Variants in ATP9A observed in about 807,000 individuals in gnomAD.
ATP9A encodes ATPase phospholipid transporting 9A.
In ATP9A, 52 loss-of-function variants were observed where a neutral mutation model predicts 144.1. The ratio of observed to expected loss-of-function variants is 0.36; its 90% CI spans 0.29 to 0.45. The LOEUF (loss-of-function observed/expected upper bound fraction) is 0.45. Among genes scored for constraint, ATP9A ranks in the 20% least tolerant of loss-of-function variants. The pLI is 1.00. For missense variants in ATP9A, 947 were observed against 1,392.7 expected (o/e 0.68, Z 5.09); for synonymous variants, 582 against 557.4 (o/e 1.04, Z -0.62).
chr20:51,651,772 T>C (rs540186139), intron 14 of ATP9A, among the ~76,000 whole-genome samples: 39 of 151,936 alleles, frequency 2.6e-4, no homozygotes, highest in Admixed American at 2.1e-3. Context: ...CTACTAAAAA[T>C]ATAAAAATTA....
At chr20:51,635,357 G>A (rs945672089) in intron 15 of ATP9A, among the ~76,000 whole-genome samples, 1 of 152,154 alleles carries the variant, frequency 6.6e-6, no homozygotes, top group East Asian at 1.9e-4. Flanking sequence ...TTGAGCCCAG[G>A]CTGTGAGAGA....
intron 17 of ATP9A, among the ~76,000 whole-genome samples, chr20:51,626,008 C>A (rs1268404538): frequency 6.6e-6 from 1 of 152,252 alleles, no homozygotes; most frequent in African/African-American, 2.4e-5. Context: ...TGGAGCAGGG[C>A]AGGGCCCCAC....
chr20:51,643,917 C>T (rs1454788313), intron 14 of ATP9A, among the ~76,000 whole-genome samples: 2 of 152,104 alleles, frequency 1.3e-5, no homozygotes, highest in Non-Finnish European at 2.9e-5. Flanking sequence ...AGGAGGATCA[C>T]CTGAGGTCAG....
chr20:51,700,416 G>A (rs552079713), intron 4 of ATP9A, among the ~76,000 whole-genome samples: 75 of 152,292 alleles, frequency 4.9e-4, no homozygotes, highest in Non-Finnish European at 6.3e-4. Context: ...CAGCTACTCC[G>A]GAGACTGAGG....
At chr20:51,725,683 C>T in intron 3 of ATP9A, 136 bp downstream of exon 3, 2 of 622,586 alleles carry the variant, frequency 3.2e-6, no homozygotes. Flanking sequence ...CTCAGAGACT[C>T]CCAATGTATT....
intron 16 of ATP9A, 137 bp from the exon 17 acceptor site, chr20:51,627,820 C>T (rs918287643): frequency 4.1e-5 from 30 of 729,382 alleles, no homozygotes; most frequent in Admixed American, 1.1e-4. Context: ...CTTTCCCCTA[C>T]GGCAATCCTC....
chr20:51,645,904 C>T (rs2077340471), intron 14 of ATP9A, among the ~76,000 whole-genome samples: 1 of 152,240 alleles, frequency 6.6e-6, no homozygotes, highest in South Asian at 2.1e-4. Flanking sequence ...ATTTCAGGGG[C>T]TTGCATCTCA....
intron 22 of ATP9A, 115 bp downstream of exon 22, chr20:51,617,375 T>G (rs1258943703): frequency 1.7e-5 from 19 of 1,105,340 alleles, no homozygotes; most frequent in Non-Finnish European, 2.1e-5. Context: ...ACATGATTCC[T>G]TATGTTTTAT....
intron 1 of ATP9A, among the ~76,000 whole-genome samples, chr20:51,748,055 G>A (rs1289417671): frequency 6.6e-6 from 1 of 152,174 alleles, no homozygotes; most frequent in East Asian, 1.9e-4. Context: ...AAGGAGAGGA[G>A]GAAGCAGTTC....
At chr20:51,660,084 T>C (rs1408038319) in intron 13 of ATP9A, among the ~76,000 whole-genome samples, 2 of 152,190 alleles carry the variant, frequency 1.3e-5, no homozygotes, top group African/African-American at 4.8e-5. Flanking sequence ...AACCCTTTTT[T>C]TAAAAAATTC....
intron 15 of ATP9A, among the ~76,000 whole-genome samples, chr20:51,632,114 G>GCACAAT (rs2077272347): frequency 6.6e-6 from 1 of 151,854 alleles, no homozygotes; most frequent in Non-Finnish European, 1.5e-5. Context: ...GTGTTGCCCA[G>GCACAAT]GCTAGAGCGC....
chr20:51,655,254 A>C (rs1159861676), intron 14 of ATP9A, among the ~76,000 whole-genome samples: 2 of 152,226 alleles, frequency 1.3e-5, no homozygotes, highest in Non-Finnish European at 2.9e-5. Context: ...GATACAAACT[A>C]TATCAATAGG....
At chr20:51,604,388 C>T (rs916006811) in intron 27 of ATP9A, among the ~76,000 whole-genome samples, 1 of 152,166 alleles carries the variant, frequency 6.6e-6, no homozygotes, top group African/African-American at 2.4e-5. Flanking sequence ...TCTATCAGGA[C>T]ACAGCAGCAA....
intron 9 of ATP9A, among the ~76,000 whole-genome samples, chr20:51,687,851 G>A (rs2077530380): frequency 6.6e-6 from 1 of 152,002 alleles, no homozygotes; most frequent in Non-Finnish European, 1.5e-5. Flanking sequence ...GGTGGGGAGT[G>A]GAGAATACTA....
At chr20:51,654,254 G>A (rs1296795223) in intron 14 of ATP9A, among the ~76,000 whole-genome samples, 1 of 152,138 alleles carries the variant, frequency 6.6e-6, no homozygotes, top group Non-Finnish European at 1.5e-5. Context: ...AGGCTGGAAG[G>A]AGGAGTCTCC....
At chr20:51,738,880 G>A (rs1213733667) in intron 1 of ATP9A, among the ~76,000 whole-genome samples, 1 of 152,080 alleles carries the variant, frequency 6.6e-6, no homozygotes, top group Non-Finnish European at 1.5e-5. Context: ...GTAGGAGTTC[G>A]AGACCAGCCT....
intron 24 of ATP9A, 46 bp from the exon 25 acceptor site, chr20:51,608,672 G>A: frequency 8.2e-7 from 1 of 1,225,760 alleles, no homozygotes; most frequent in Non-Finnish European, 1.2e-6. Flanking sequence ...GACGCGATAG[G>A]AGCTATGTGC....
At chr20:51,664,395 T>C (rs982251942) in intron 13 of ATP9A, among the ~76,000 whole-genome samples, 3 of 151,970 alleles carry the variant, frequency 2.0e-5, no homozygotes, top group African/African-American at 7.3e-5. Context: ...GAGACCAGCC[T>C]GGGCAAATGG....
intron 4 of ATP9A, among the ~76,000 whole-genome samples, chr20:51,709,659 G>A (rs1020022419): frequency 3.3e-5 from 5 of 152,140 alleles, no homozygotes; most frequent in African/African-American, 7.2e-5. Context: ...CCTGGAAGGC[G>A]GAGGTTGCAG....
Sources: allele counts gnomAD v4.1 joint callset (sites outside exome capture counted in the v4.1 genomes callset), GRCh38; gene constraint gnomAD v4.1.1; transcripts MANE v1.5; gene names NCBI Gene and HGNC (gene_info 2026-07-23, HGNC 2026-07-21).